Variants in MED12L observed in about 807,000 individuals in gnomAD.
MED12L encodes the protein mediator of RNA polymerase II transcription subunit 12-like protein.
A neutral mutation model predicts 281.3 loss-of-function variants in MED12L; 60 were observed. The ratio of observed to expected loss-of-function variants is 0.21; its 90% CI spans 0.17 to 0.26. The LOEUF (loss-of-function observed/expected upper bound fraction) is 0.26, where lower values mean the gene tolerates loss of function less well. Ranked by LOEUF, MED12L falls within the 10% of genes least tolerant of loss-of-function variation. The pLI, the probability that MED12L is intolerant of heterozygous loss-of-function variation, is 1.00. For synonymous variants in MED12L, 974 were observed against 987.2 expected (o/e 0.99, Z 0.25); for missense variants, 2,146 against 2,680.9 (o/e 0.80, Z 4.41).
rs1371518307 is a variant in MED12L, at chr3:151,368,137, C to A, written c.3449-13C>A. 1 of 1,609,642 alleles carries A rather than the reference C, an allele frequency of 6.2e-7. No homozygotes were observed. The highest frequency in any genetic ancestry group is 1.1e-5 in the South Asian group (1 of 90,946). On this transcript the variant is annotated splice_polypyrimidine_tract_variant and intron_variant, in intron 24 of 44. Transcript: ENST00000687756. ...GTGTTAGAAAACTTGCTTTTCCAAT[C>A]CCCCTTTCCTAGCTTGTGGGGATGC...
chr3:151,388,505 T>C (rs1488982420), intron 37 of MED12L, among the ~76,000 whole-genome samples: 1 of 152,222 alleles, frequency 6.6e-6, no homozygotes, highest in Admixed American at 6.5e-5. Flanking sequence ...CTCTCACATA[T>C]TTTTAATATG....
At chr3:151,310,287 A>T (rs780009874) in intron 16 of MED12L, among the ~76,000 whole-genome samples, 4 of 152,240 alleles carry the variant, frequency 2.6e-5, no homozygotes, top group Non-Finnish European at 5.9e-5. Context: ...AAAGGTTTCC[A>T]TAGAACAATT....
At chr3:151,311,467 T>A (rs553167750) in intron 16 of MED12L, among the ~76,000 whole-genome samples, 1 of 152,186 alleles carries the variant, frequency 6.6e-6, no homozygotes, top group Non-Finnish European at 1.5e-5. Context: ...TGCTGACACA[T>A]TGATGTAGTA....
chr3:151,246,331 G>C (rs1735462812), intron 16 of MED12L, among the ~76,000 whole-genome samples: 1 of 152,042 alleles, frequency 6.6e-6, no homozygotes, highest in African/African-American at 2.4e-5. Flanking sequence ...TAAGCCAAAA[G>C]AACAAAGCTG....
intron 2 of MED12L, among the ~76,000 whole-genome samples, chr3:151,101,614 C>T (rs1421473754): frequency 1.3e-5 from 2 of 149,790 alleles, no homozygotes; most frequent in African/African-American, 4.9e-5. Context: ...GCTGTATCCT[C>T]TCATAAGAAA....
chr3:151,175,241 C>T lies in MED12L; in HGVS notation c.1494+9259C>T, dbSNP rs562479348. On this transcript the variant is annotated intron_variant, in intron 11 of 44. Transcript: ENST00000687756. Reference sequence around the variant, plus strand: ...ATGACTTGCTAATATAACTACACTACATATTATTCCATATTATTTATTGGT... The same window carrying T: ...ATGACTTGCTAATATAACTACACTATATATTATTCCATATTATTTATTGGT... Among the ~76,000 whole-genome samples, 5 of 152,274 alleles carry T rather than the reference C, an allele frequency of 3.3e-5. No individual in the cohort carries two copies. In the East Asian group the frequency reaches 9.6e-4, roughly 29 times the overall value.
intron 31 of MED12L, 104 bp from the exon 32 acceptor site, chr3:151,380,009 A>G: frequency 1.4e-6 from 1 of 694,848 alleles, no homozygotes; most frequent in South Asian, 2.2e-5. Context: ...GCTATTTACC[A>G]CCTCTCTTAT....
chr3:151,338,129 G>T, intron 16 of MED12L: 2 of 1,614,032 alleles, frequency 1.2e-6, no homozygotes, highest in Non-Finnish European at 1.7e-6. Context: ...CAATGATAAT[G>T]AAAACTTTGA....
At chr3:151,088,794 A>G (rs773020077) in intron 2 of MED12L, among the ~76,000 whole-genome samples, 15 of 152,354 alleles carry the variant, frequency 9.8e-5, no homozygotes, top group Non-Finnish European at 1.9e-4. Context: ...CAAGGTGTAT[A>G]GGTGAATAAG....
At chr3:151,369,637 T>C (rs1292876509) in intron 26 of MED12L, 88 bp downstream of exon 26, 6 of 835,260 alleles carry the variant, frequency 7.2e-6, no homozygotes, top group Non-Finnish European at 1.1e-5. Context: ...CTAGTAGTAT[T>C]ATTGGAAACA....
In MED12L at chr3:151,383,796, C is replaced by T. The variant is rs774739925; in HGVS notation, c.4698C>T (p.Asp1566=). 5.6e-6 allele frequency: 9 copies of T among 1,612,264 alleles called. No homozygotes were observed. Among genetic ancestry groups the T allele is most frequent in the East Asian group, 2.2e-5 (1 of 44,864 alleles). The change falls in exon 34 of 45, where the codon GAC becomes GAT. Residue 1566 remains aspartate (D), a synonymous_variant. Transcript: ENST00000687756. ...TCTGCTAGGTAGGAGGAATGTTTGA[C>T]ACGGTGCAGAGGAGCACCCAGTGGA... is the stretch of plus-strand genomic sequence containing the variant. ...LRLNLVGGMF[D]TVQRSTQWTT...
At chr3:151,397,374 A>T in intron 39 of MED12L, among the ~76,000 whole-genome samples, 1 of 152,228 alleles carries the variant, frequency 6.6e-6, no homozygotes. Context: ...AGAGAAATGC[A>T]TACATTATGC....
chr3:151,319,738 T>G (rs1748766714), intron 16 of MED12L, among the ~76,000 whole-genome samples: 1 of 152,192 alleles, frequency 6.6e-6, no homozygotes, highest in African/African-American at 2.4e-5. Context: ...CCTCATTTAT[T>G]ATTTATGAAT....
chr3:151,138,412 T>G (rs1716461069), intron 5 of MED12L, among the ~76,000 whole-genome samples: 1 of 152,242 alleles, frequency 6.6e-6, no homozygotes, highest in Non-Finnish European at 1.5e-5. Flanking sequence ...CATTTTGCAT[T>G]AATATGATAC....
chr3:151,193,550 A>G lies in MED12L; in HGVS notation c.2134A>G (p.Met712Val), dbSNP rs1441346516. 4 of 1,614,100 alleles carry G rather than the reference A, an allele frequency of 2.5e-6. No homozygotes were observed. Among genetic ancestry groups the G allele is most frequent in the Non-Finnish European group, 3.4e-6 (4 of 1,179,968 alleles). The stretch of plus-strand genomic sequence containing the variant: ...TGCCAACACTTCGTTGGGCAGAAGA[A>G]TGTCAGTTAATTGTGAGAAGTTGGT... ...ENANTSLGRR[M>V]SVNCEKLVKR... The change falls in exon 16 of 45, where the codon ATG (methionine) becomes GTG (valine). Residue 712 changes from methionine (M) to valine (V), a missense_variant. Transcript: ENST00000687756.
chr3:151,243,662 A>T (rs1734729715), intron 16 of MED12L, among the ~76,000 whole-genome samples: 1 of 151,964 alleles, frequency 6.6e-6, no homozygotes, highest in Non-Finnish European at 1.5e-5. Context: ...CTGCAAAATC[A>T]TGCCAAAATG....
chr3:151,277,772 G>A (rs1742133545), intron 16 of MED12L, among the ~76,000 whole-genome samples: 1 of 152,192 alleles, frequency 6.6e-6, no homozygotes, highest in Non-Finnish European at 1.5e-5. Context: ...TTTTATTTTA[G>A]TAGGTGTTAA....
intron 16 of MED12L, among the ~76,000 whole-genome samples, chr3:151,298,896 T>C (rs769798792): frequency 3.9e-5 from 6 of 152,236 alleles, no homozygotes; most frequent in Non-Finnish European, 8.8e-5. Context: ...GGCTACTGTA[T>C]TGGCCAGTGC....
At chr3:151,116,503 A>G (rs945004854) in intron 3 of MED12L, 61 bp downstream of exon 3, 1 of 1,036,850 alleles carries the variant, frequency 9.6e-7, no homozygotes. Context: ...GACACCCTTA[A>G]TAATCACTGT....
Sources: gnomAD v4.1 joint callset for allele counts (sites outside exome capture counted in the v4.1 genomes callset) on GRCh38, gnomAD v4.1.1 for gene constraint, MANE v1.5 for transcripts, NCBI Gene and HGNC (gene_info 2026-07-23, HGNC 2026-07-21) for gene names.